The following LPIN1 variants were observed in gnomAD, a reference collection of about 807,000 sequenced individuals.
LPIN1 encodes the protein lipin 1.
LPIN1 carries 71 observed loss-of-function variants against 107.5 expected under a neutral mutation model. That is an observed-to-expected ratio of 0.66 (90% CI 0.55 to 0.80). The LOEUF is 0.80. Ranked by LOEUF, LPIN1 falls within the 30% of genes least tolerant of loss-of-function variation. The pLI is 0.00. For synonymous variants in LPIN1, 445 were observed against 452.6 expected (o/e 0.98, Z 0.21); for missense variants, 1,043 against 1,160.6 (o/e 0.90, Z 1.47).
At chr2:11,814,930 C>T (rs967601736) in intron 17 of LPIN1, among the ~76,000 whole-genome samples, 158 bp from the exon 18 acceptor site, 1 of 152,186 alleles carries the variant, frequency 6.6e-6, no homozygotes, top group Non-Finnish European at 1.5e-5. Context: ...AAGCCTATTT[C>T]TCAATTGCAA....
At chr2:11,764,093 T>C (rs1451598057) in intron 1 of LPIN1, 1,665 of 123,774 alleles carry the variant, frequency 0.013, 51 homozygotes, top group African/African-American at 0.05. Flanking sequence ...TATATATATA[T>C]ATATATATAT....
In LPIN1 at chr2:11,774,240, C is replaced by T. The variant is rs899185579; in HGVS notation, c.722+495C>T. ...GAAAACTTGGAGAACTAGAGCTGCT[C>T]ACTGTGCAGATGCCATCCTGATGAC... On this transcript the variant is annotated intron_variant, in intron 5 of 20. Coordinates refer to ENST00000674199, the MANE Select transcript of LPIN1 (RefSeq NM_001349206.2). This position sits in a 1 kb window ranked among gnomAD's most constrained non-coding sequence, Gnocchi z 4.4. Among the ~76,000 whole-genome samples, 14 of 152,220 alleles carry T rather than the reference C, an allele frequency of 9.2e-5. 1 individual carries two copies. Among genetic ancestry groups the T allele is most frequent in the Admixed American group, 9.2e-4 (14 of 15,280 alleles).
At position 11,734,602 on chromosome 2, in the gene LPIN1, C is replaced by A. The variant is rs111986555; in HGVS notation, c.-71-6747C>A. 2.0e-5 allele frequency among the ~76,000 whole-genome samples: 3 copies of A among 152,284 alleles called. No individual in the cohort carries two copies. In the East Asian group the frequency reaches 5.8e-4, roughly 29 times the overall value. ...GATAGTTTTGCATCTTGGAGCAAGTCTCCTGCCAGATAGGCTCTCTTTTAC... is the reference window on the plus strand; with the variant it reads ...GATAGTTTTGCATCTTGGAGCAAGTATCCTGCCAGATAGGCTCTCTTTTAC... On this transcript the variant is annotated intron_variant, in intron 1 of 21. Coordinates refer to the LPIN1 transcript ENST00000396097.
chr2:11,752,476 G>A (rs1332180709), intron 1 of LPIN1, among the ~76,000 whole-genome samples: 7 of 100,158 alleles, frequency 7.0e-5, no homozygotes, highest in Admixed American at 6.8e-4. Flanking sequence ...CTGTCGCCCA[G>A]GCTGGAGTGC....
chr2:11,737,945 A>G (rs1050349910), intron 1 of LPIN1, among the ~76,000 whole-genome samples: 14 of 152,268 alleles, frequency 9.2e-5, no homozygotes, highest in Non-Finnish European at 1.5e-4. Flanking sequence ...ATGTATGTTT[A>G]TTGCAGCACT....
chr2:11,728,661 C>G (rs1004085320), intron 1 of LPIN1, among the ~76,000 whole-genome samples: 2 of 152,184 alleles, frequency 1.3e-5, no homozygotes, highest in African/African-American at 4.8e-5. Context: ...CAGGTATGAG[C>G]CATTGCACCT....
intron 20 of LPIN1, among the ~76,000 whole-genome samples, chr2:11,821,603 G>A (rs1681540660): frequency 6.6e-6 from 1 of 152,204 alleles, no homozygotes; most frequent in African/African-American, 2.4e-5. Flanking sequence ...GGGGGAGTTT[G>A]GTTCTAGGAG....
chr2:11,698,674 C>T (rs1371637842), intron 1 of LPIN1, among the ~76,000 whole-genome samples: 1 of 152,244 alleles, frequency 6.6e-6, no homozygotes, highest in Non-Finnish European at 1.5e-5. Context: ...CTGGGCACTT[C>T]TATTTAAACA....
chr2:11,731,167 C>A (rs75105527), intron 1 of LPIN1, among the ~76,000 whole-genome samples: 1 of 152,128 alleles, frequency 6.6e-6, no homozygotes, highest in Non-Finnish European at 1.5e-5. Flanking sequence ...CCTATCAACC[C>A]GTTATCTAGG....
intron 14 of LPIN1, among the ~76,000 whole-genome samples, chr2:11,799,101 C>A (rs1677230333): frequency 6.6e-6 from 1 of 152,200 alleles, no homozygotes; most frequent in African/African-American, 2.4e-5. Context: ...CAGGGTGGCG[C>A]AATCTGAGAC....
rs193139807 is a variant in LPIN1 at position 11,693,938 on chromosome 2, G to A, written c.81+16210G>A. Among the ~76,000 whole-genome samples the A allele has an allele frequency of 3.9e-3, 550 of 141,306 alleles. 7 individuals are homozygous for A. The highest frequency in any genetic ancestry group is 0.014 in the African/African-American group (524 of 38,514). The allele number at this position is 141,306 out of a possible 152,430, so 92.7% of individuals were successfully genotyped here. Reference sequence around the variant, plus strand: ...GAACTTCCGCCTCCTGGGTTCAAGTGATTCTCCTGCCTCAGCCTCCCGAAT... The same window carrying A: ...GAACTTCCGCCTCCTGGGTTCAAGTAATTCTCCTGCCTCAGCCTCCCGAAT... On this transcript the variant is annotated intron_variant, in intron 1 of 21. Transcript: ENST00000449576.
In LPIN1 at chr2:11,765,701, A is replaced by G. The variant is rs1670753119; in HGVS notation, c.160A>G (p.Lys54Glu). The G allele has an allele frequency of 6.2e-7, 1 of 1,612,600 alleles. No individual in the cohort carries two copies. The highest frequency in any genetic ancestry group is 1.3e-5 in the African/African-American group (1 of 74,976). Residue 54 changes from lysine to glutamate, a missense_variant, in exon 2 of 21, where the codon AAG (lysine) becomes GAG (glutamate). By Grantham distance (56) the Lys-to-Glu change is moderately conservative (BLOSUM62 1). Transcript: ENST00000674199. The surrounding 1 kb of genome is among the most constrained non-coding windows in gnomAD (Gnocchi z 4.4). ...QCSPFHVRFG[K>E]MGVLRSREKV... ...CTCCCCTTTCCACGTCCGCTTTGGG[A>G]AGATGGGGGTCCTGCGCTCCCGAGA... is the stretch of plus-strand genomic sequence containing the variant.
At chr2:11,782,649 A>G (rs1474172686) in intron 8 of LPIN1, 142 bp downstream of exon 8, 4 of 926,690 alleles carry the variant, frequency 4.3e-6, no homozygotes, top group Non-Finnish European at 6.6e-6. Context: ...TGAGCTCTTC[A>G]GCAGAATATA....
At chr2:11,779,751 A>G (rs1311164704) in intron 7 of LPIN1, 106 bp downstream of exon 7, 4 of 1,396,576 alleles carry the variant, frequency 2.9e-6, no homozygotes, top group Non-Finnish European at 4.0e-6. Context: ...ACCAGGAGCC[A>G]GAGGTAAACC....
At position 11,713,787 on chromosome 2, in the gene LPIN1, G is replaced by A. The variant is rs4614906; in HGVS notation, c.113G>A (p.Arg38Gln). ...ATAATGAGAGACCCTGGGTGGATTC[G>A]AAATGTATGGTCTTCAAACATTAAC... Residue 38 changes from arginine to glutamine, a missense_variant, in exon 2 of 22, where the codon CGA becomes CAA. Coordinates refer to the LPIN1 transcript ENST00000449576. The A allele has an allele frequency of 0.22, 329,362 of 1,505,294 alleles. 38,818 individuals carry two copies. The highest frequency in any genetic ancestry group is 0.27 in the Admixed American group (13,427 of 50,496). 93.2% of individuals were successfully genotyped at this position (1,505,294 alleles called of 1,614,324 possible).
intron 1 of LPIN1, among the ~76,000 whole-genome samples, chr2:11,759,128 C>CTTTCT (rs1339275416): frequency 5.2e-5 from 7 of 135,814 alleles, no homozygotes; most frequent in Admixed American, 2.1e-4. Context: ...AGCTTGCTTT[C>CTTTCT]TTTCTTTTCT....
At chr2:11,740,009 T>C (rs539650567) in intron 1 of LPIN1, among the ~76,000 whole-genome samples, 2 of 152,312 alleles carry the variant, frequency 1.3e-5, no homozygotes, top group South Asian at 4.1e-4. Flanking sequence ...TCCTATGATT[T>C]GCTGTCTACA....
chr2:11,804,298 C>T, intron 15 of LPIN1, 125 bp from the exon 16 acceptor site: 1 of 1,018,254 alleles, frequency 9.8e-7, no homozygotes, highest in Non-Finnish European at 1.5e-6. Flanking sequence ...AAGAATTATA[C>T]AAGGGCCCAG....
chr2:11,680,968 C>T (rs895851440), intron 1 of LPIN1, among the ~76,000 whole-genome samples: 70 of 152,288 alleles, frequency 4.6e-4, no homozygotes, highest in African/African-American at 1.5e-3. Context: ...CTTATAATAC[C>T]TAACTATATA....
Sources: gnomAD v4.1 joint callset for allele counts (sites outside exome capture counted in the v4.1 genomes callset) on GRCh38, gnomAD v4.1.1 for gene constraint, Gnocchi (gnomAD v3.1) non-coding constraint, MANE v1.5 for transcripts, NCBI Gene and HGNC (gene_info 2026-07-23, HGNC 2026-07-21) for gene names.